MED27: variants seen among roughly 807,000 people sequenced by gnomAD.
MED27 encodes the protein mediator complex subunit 27.
In MED27, 30 loss-of-function variants were observed where a neutral mutation model predicts 38.2. The ratio of observed to expected loss-of-function variants is 0.79; its 90% CI spans 0.59 to 1.07. MED27 has a LOEUF of 1.07. Among genes scored for constraint, MED27 ranks in the 50% least tolerant of loss-of-function variants. The probability of loss-of-function intolerance (pLI) is 0.00; values close to 1 mark genes in which losing one functional copy is unlikely to be tolerated. For synonymous variants in MED27, 122 were observed against 153.5 expected (o/e 0.79, Z 1.52); for missense variants, 289 against 397.5 (o/e 0.73, Z 2.32).
At chr9:131,966,721 A>T (rs979863480) in intron 3 of MED27, among the ~76,000 whole-genome samples, 3 of 152,180 alleles carry the variant, frequency 2.0e-5, no homozygotes, top group Admixed American at 6.5e-5. Flanking sequence ...TCAGTGCCCA[A>T]GTTCAAGTCC....
intron 1 of MED27, among the ~76,000 whole-genome samples, chr9:132,078,566 G>C (rs1422998050): frequency 6.6e-6 from 1 of 152,072 alleles, no homozygotes. Flanking sequence ...TGTGATTTAC[G>C]GCAACTACTT....
chr9:131,923,666 G>A (rs1182011945), intron 4 of MED27, among the ~76,000 whole-genome samples: 1 of 152,054 alleles, frequency 6.6e-6, no homozygotes, highest in East Asian at 1.9e-4. Flanking sequence ...ACATAAGAAG[G>A]TATGCTCAGA....
At chr9:131,926,584 A>G (rs1830489381) in intron 4 of MED27, among the ~76,000 whole-genome samples, 1 of 152,222 alleles carries the variant, frequency 6.6e-6, no homozygotes, top group African/African-American at 2.4e-5. Context: ...TTTCCCACAA[A>G]CTACGCTGGT....
At chr9:132,072,022 G>A (rs1037844240) in intron 2 of MED27, among the ~76,000 whole-genome samples, 4 of 149,964 alleles carry the variant, frequency 2.7e-5, no homozygotes, top group Admixed American at 6.6e-5. Flanking sequence ...ACGTGTATGC[G>A]CAACACGCAC....
intron 4 of MED27, among the ~76,000 whole-genome samples, chr9:131,926,465 C>T (rs137920357): frequency 2.0e-5 from 3 of 152,170 alleles, no homozygotes; most frequent in East Asian, 2.0e-4. Context: ...AGCTCCAGGA[C>T]GCCACCGTCC....
intron 2 of MED27, among the ~76,000 whole-genome samples, chr9:132,044,768 A>T (rs543870173): frequency 7.8e-4 from 118 of 152,172 alleles, no homozygotes; most frequent in African/African-American, 2.7e-3. Context: ...AGACACTCTA[A>T]TTTTTTTTCC....
rs985858153 is a variant in MED27 at position 131,940,587 on chromosome 9, T to C, written c.480-1113A>G. On this transcript the variant is annotated intron_variant, in intron 3 of 7. Coordinates refer to ENST00000292035, the MANE Select transcript of MED27 (RefSeq NM_004269.4). ...CCCACCACCACTCCCGGCTAATTTT[T>C]GTATTTTTAGTAGAGATGGAGTTTT... 3.3e-5 allele frequency among the ~76,000 whole-genome samples: 5 copies of C among 152,104 alleles called. No individual in the cohort carries two copies. In the South Asian group the frequency reaches 8.3e-4, roughly 25 times the overall value.
At chr9:131,926,264 T>G (rs1830481889) in intron 4 of MED27, among the ~76,000 whole-genome samples, 1 of 152,210 alleles carries the variant, frequency 6.6e-6, no homozygotes, top group African/African-American at 2.4e-5. Flanking sequence ...GCTCAGTGAG[T>G]ATTTACTGAA....
intron 5 of MED27, among the ~76,000 whole-genome samples, chr9:131,890,230 T>C (rs1438379766): frequency 1.3e-5 from 2 of 152,228 alleles, no homozygotes; most frequent in Non-Finnish European, 1.5e-5. Flanking sequence ...ATTTGAGAGC[T>C]TCTCTGCCAA....
At chr9:131,912,259 G>A (rs879284192) in intron 4 of MED27, among the ~76,000 whole-genome samples, 1 of 152,172 alleles carries the variant, frequency 6.6e-6, no homozygotes. Flanking sequence ...TGAATTAAAG[G>A]CTCTGAAAAG....
chr9:132,046,265 A>C (rs1360913541), intron 2 of MED27, among the ~76,000 whole-genome samples: 1 of 152,192 alleles, frequency 6.6e-6, no homozygotes, highest in Non-Finnish European at 1.5e-5. Flanking sequence ...CCTATCAACT[A>C]AGTAAAGATG....
At chr9:131,914,321 T>G (rs1286307822) in intron 4 of MED27, among the ~76,000 whole-genome samples, 6 of 152,216 alleles carry the variant, frequency 3.9e-5, no homozygotes, top group Non-Finnish European at 8.8e-5. Flanking sequence ...AAACACACTT[T>G]GGAGTCCGGC....
Position 131,863,092 on chromosome 9 carries a change from T to A in MED27, c.772A>T (p.Met258Leu), listed in dbSNP as rs1387818623. 2 of 1,613,982 alleles carry A rather than the reference T, an allele frequency of 1.2e-6. No homozygotes were observed. Among genetic ancestry groups the A allele is most frequent in the African/African-American group, 2.7e-5 (2 of 74,902 alleles). ...AAGGATCGGACCACGACATCCGGCA[T>A]CTGGGGCAGCTGATAGTGGAGCAGG... ...TALLHYQLPQ[M>L]PDVVVRSFMT... The change falls in exon 7 of 8, where the codon ATG becomes TTG. Residue 258 changes from methionine (M) to leucine (L), a missense_variant. Physicochemically the swap from Met to Leu is conservative, Grantham distance 15. Transcript: ENST00000292035.
In MED27 at chr9:131,910,348, T is replaced by G. The variant is rs569591011; in HGVS notation, c.574-16356A>C. The stretch of plus-strand genomic sequence containing the variant: ...TTGTTACATTGTATCCCATTTGGAA[T>G]CTCAGCTTTTCTATCCTTAAACCAG... On this transcript the variant is annotated intron_variant, in intron 4 of 7. Coordinates refer to ENST00000292035, the MANE Select transcript of MED27 (RefSeq NM_004269.4). Among the ~76,000 whole-genome samples, 6 of 152,340 alleles carry G rather than the reference T, an allele frequency of 3.9e-5. No individual in the cohort carries two copies. The South Asian group carries it at 1.2e-3, about 32-fold the overall frequency.
intron 3 of MED27, among the ~76,000 whole-genome samples, chr9:131,944,434 T>C (rs1226329003): frequency 6.6e-6 from 1 of 152,108 alleles, no homozygotes; most frequent in Non-Finnish European, 1.5e-5. Flanking sequence ...GACACACAAA[T>C]ATTTCCTCCA....
chr9:132,041,817 G>A (rs555008595), intron 2 of MED27, among the ~76,000 whole-genome samples: 46 of 152,322 alleles, frequency 3.0e-4, no homozygotes, highest in African/African-American at 1.0e-3. Flanking sequence ...CCTGGCCTAC[G>A]GTGGCAGCTG....
At chr9:131,898,154 A>G (rs1206119448) in intron 4 of MED27, among the ~76,000 whole-genome samples, 1 of 132,434 alleles carries the variant, frequency 7.6e-6, no homozygotes, top group African/African-American at 3.0e-5. Context: ...TAGTTTATGG[A>G]TAGTCAGTAT....
chr9:132,048,540 A>G (rs1833395675), intron 2 of MED27, among the ~76,000 whole-genome samples: 1 of 152,322 alleles, frequency 6.6e-6, no homozygotes, highest in African/African-American at 2.4e-5. Context: ...ACTAGTAACT[A>G]AACTGTTCTT....
intron 3 of MED27, among the ~76,000 whole-genome samples, chr9:131,996,170 T>C (rs1040530762): frequency 7.9e-5 from 12 of 152,294 alleles, no homozygotes; most frequent in Admixed American, 6.5e-4. Flanking sequence ...TCTTGCCAAA[T>C]TGGTTCTGCT....
Sources: allele counts gnomAD v4.1 joint callset (sites outside exome capture counted in the v4.1 genomes callset), GRCh38; gene constraint gnomAD v4.1.1; transcripts MANE v1.5; gene names NCBI Gene and HGNC (gene_info 2026-07-23, HGNC 2026-07-21).